Variants in PRDM2 observed in about 807,000 individuals in gnomAD.
The protein encoded by PRDM2 is PR/SET domain 2.
Under a neutral mutation model 130.0 loss-of-function variants are expected in PRDM2, and 30 were observed. That is an observed-to-expected ratio of 0.23 (90% CI 0.17 to 0.31). The LOEUF is 0.31. Among genes scored for constraint, PRDM2 ranks in the 10% least tolerant of loss-of-function variants. The pLI, the probability that PRDM2 is intolerant of heterozygous loss-of-function variation, is 1.00. For synonymous variants in PRDM2, 871 were observed against 782.4 expected, an observed-to-expected ratio of 1.11 and a Z score of -1.89; for missense variants, 2,011 against 2,108.4, an observed-to-expected ratio of 0.95 and a Z score of 0.90.
chr1:13,808,417 T>C (rs1260013991), intron 8 of PRDM2, among the ~76,000 whole-genome samples: 1 of 139,700 alleles, frequency 7.2e-6, no homozygotes, highest in African/African-American at 2.8e-5. Flanking sequence ...TGAGTGGAGA[T>C]CGCACCACTG....
intron 7 of PRDM2, among the ~76,000 whole-genome samples, chr1:13,775,830 T>A (rs1231112537): frequency 6.6e-6 from 1 of 152,140 alleles, no homozygotes; most frequent in Non-Finnish European, 1.5e-5. Flanking sequence ...GCTCTGCCAG[T>A]CTTGCTCCTC....
At chr1:13,719,842 C>A (rs1642666548) in intron 2 of PRDM2, among the ~76,000 whole-genome samples, 1 of 151,866 alleles carries the variant, frequency 6.6e-6, no homozygotes, top group South Asian at 2.1e-4. Context: ...GTTTGCAAAT[C>A]TATACAAAGA....
intron 5 of PRDM2, among the ~76,000 whole-genome samples, chr1:13,743,289 A>G (rs1643504797): frequency 6.6e-6 from 1 of 150,896 alleles, no homozygotes; most frequent in Admixed American, 6.6e-5. Flanking sequence ...AGTCCCAGCT[A>G]CTCGGGAGGC....
At chr1:13,786,807 A>G in intron 8 of PRDM2, 1 of 1,266,368 alleles carries the variant, frequency 7.9e-7, no homozygotes, top group African/African-American at 1.5e-5. Flanking sequence ...TCGTCATGGG[A>G]CTGGTACCTC....
intron 1 of PRDM2, among the ~76,000 whole-genome samples, chr1:13,713,027 T>C (rs550958167): frequency 6.6e-6 from 1 of 150,506 alleles, no homozygotes; most frequent in African/African-American, 2.4e-5. Flanking sequence ...TCCACCTCCA[T>C]ATAACATTTC....
intron 7 of PRDM2, among the ~76,000 whole-genome samples, chr1:13,777,668 C>T (rs1644508144): frequency 1.0e-5 from 1 of 97,400 alleles, no homozygotes; most frequent in Non-Finnish European, 1.9e-5. Context: ...GCCTCATTTT[C>T]CTTAGGTCTC....
rs1240572996 is a variant in PRDM2 at position 13,824,883 on chromosome 1, T to G, written c.*1748T>G. ...TGGTTGAGGCCTTGGGGTCACTCCTTTTTTGCATGTGCAAATGTGCTGGTC... is the reference window on the plus strand; with the variant it reads ...TGGTTGAGGCCTTGGGGTCACTCCTGTTTTGCATGTGCAAATGTGCTGGTC... On this transcript the variant is annotated 3_prime_UTR_variant, in exon 10 of 10. Coordinates refer to ENST00000311066, the MANE Select transcript of PRDM2 (RefSeq NM_001393986.1). The G allele has an allele frequency of 6.6e-6, 1 of 152,630 alleles. No homozygotes were observed. The highest frequency in any genetic ancestry group is 1.5e-5 in the Non-Finnish European group (1 of 68,038). The allele number at this position is 152,630 out of a possible 1,614,324, so 9.5% of individuals were successfully genotyped here.
rs1190174574 is a variant in PRDM2, at chr1:13,782,238, A to T, written c.4443A>T (p.Lys1481Asn). Reference protein sequence around the residue: ...NKHAAFSCPKKPLSPPKKKVS... With the variant: ...NKHAAFSCPKNPLSPPKKKVS... ...ACGCCGCCTTCAGCTGTCCCAAAAA[A>T]CCCCTTTCTCCTCCCAAAAAAAAAG... Residue 1481 changes from lysine (K) to asparagine (N), a missense_variant, in exon 8 of 10, where the codon AAA becomes AAT. Physicochemically the swap from Lys to Asn is moderately conservative, Grantham distance 94. Around this residue, in one of 5 missense-constraint regions of PRDM2, gnomAD observed 410 missense variants for 395.9 expected, o/e 1.04. Coordinates refer to ENST00000311066, the MANE Select transcript of PRDM2 (RefSeq NM_001393986.1). The T allele has an allele frequency of 6.2e-7, 1 of 1,612,672 alleles. No individual in the cohort carries two copies.
Position 13,813,253 on chromosome 1 carries a change from G to A in PRDM2, c.5037-3174G>A, listed in dbSNP as rs563121401. On this transcript the variant is annotated intron_variant, in intron 8 of 9. Coordinates refer to ENST00000311066, the MANE Select transcript of PRDM2 (RefSeq NM_001393986.1). Reference sequence around the variant, plus strand: ...CTCACTGAGGTCACACAGCTAGTGGGTGGGAACCAAGAATCATGAGGCTCT... The same window carrying A: ...CTCACTGAGGTCACACAGCTAGTGGATGGGAACCAAGAATCATGAGGCTCT... Among the ~76,000 whole-genome samples the A allele has an allele frequency of 6.6e-5, 10 of 152,320 alleles. No individual in the cohort carries two copies. In the East Asian group the frequency reaches 1.9e-3, roughly 29 times the overall value.
chr1:13,768,033 A>G (rs888281402), intron 6 of PRDM2, among the ~76,000 whole-genome samples: 3 of 151,976 alleles, frequency 2.0e-5, no homozygotes, highest in African/African-American at 7.3e-5. Context: ...ATTAAGAAGT[A>G]ACTATTAAGA....
At chr1:13,735,878 C>A (rs1643253013) in intron 4 of PRDM2, among the ~76,000 whole-genome samples, 1 of 152,138 alleles carries the variant, frequency 6.6e-6, no homozygotes, top group South Asian at 2.1e-4. Flanking sequence ...ATTGAAACTC[C>A]TATCATCCAG....
intron 8 of PRDM2, among the ~76,000 whole-genome samples, chr1:13,805,872 G>T (rs1050106873): frequency 1.3e-5 from 2 of 152,072 alleles, no homozygotes; most frequent in Non-Finnish European, 2.9e-5. Flanking sequence ...GAAGAGCACC[G>T]TGGCCACGTG....
At chr1:13,709,746 TCTTA>T (rs935996421) in intron 1 of PRDM2, among the ~76,000 whole-genome samples, 2 of 152,228 alleles carry the variant, frequency 1.3e-5, no homozygotes, top group African/African-American at 2.4e-5. Flanking sequence ...AAACGTATTC[TCTTA>T]CTTATTTCTG....
intron 9 of PRDM2, among the ~76,000 whole-genome samples, chr1:13,817,010 C>A (rs1570131018): frequency 6.6e-6 from 1 of 152,190 alleles, no homozygotes; most frequent in Non-Finnish European, 1.5e-5. Flanking sequence ...GCCTCAGAGG[C>A]ATTAAGCCCA....
chr1:13,744,105 G>A (rs1343990841), intron 5 of PRDM2, among the ~76,000 whole-genome samples: 1 of 152,188 alleles, frequency 6.6e-6, no homozygotes, highest in Admixed American at 6.5e-5. Flanking sequence ...GCAAGCTCAT[G>A]TAGATATTAG....
In PRDM2 at chr1:13,730,877, T is replaced by A. The variant is rs549115187; in HGVS notation, c.10-123T>A. The A allele has an allele frequency of 7.4e-6, 5 of 678,552 alleles. No individual in the cohort carries two copies. In the East Asian group the frequency reaches 1.3e-4, roughly 18 times the overall value. The allele number at this position is 678,552 out of a possible 1,614,324, so 42.0% of individuals were successfully genotyped here. On this transcript the variant is annotated intron_variant, in intron 2 of 9. Coordinates refer to ENST00000311066, the MANE Select transcript of PRDM2 (RefSeq NM_001393986.1). ...TGCTTGACATCATCGTTTTGGTCTG[T>A]CTTGCCAGCTTCAGGTTTCGGTTAC...
chr1:13,720,527 G>C (rs1642690123), intron 2 of PRDM2, among the ~76,000 whole-genome samples: 1 of 152,020 alleles, frequency 6.6e-6, no homozygotes, highest in Admixed American at 6.6e-5. Context: ...TTGAGGAGAG[G>C]GCTGTTAGAG....
intron 8 of PRDM2, among the ~76,000 whole-genome samples, chr1:13,809,340 C>T (rs1247632863): frequency 6.6e-6 from 1 of 152,148 alleles, no homozygotes; most frequent in Non-Finnish European, 1.5e-5. Flanking sequence ...TGCAGGACTC[C>T]AGGCGAGAGG....
rs202177985 is a variant in PRDM2, at chr1:13,783,872, ATTC to A, written c.5036+1044_5036+1046del. 6.9e-3 allele frequency among the ~76,000 whole-genome samples: 1,054 copies of A among 152,106 alleles called. 8 individuals are homozygous for A. Among genetic ancestry groups the A allele is most frequent in the South Asian group, 0.024 (118 of 4,818 alleles). ...ATGCTATAGCTTTTGGTGTCTGAAA[ATTC>A]TTTGGTGTTTTAAGCAAGCAGAATT... is the stretch of plus-strand genomic sequence containing the variant. On this transcript the variant is annotated intron_variant, in intron 8 of 9. Transcript: ENST00000311066.
Sources: gnomAD v4.1 joint callset for allele counts (sites outside exome capture counted in the v4.1 genomes callset) on GRCh38, gnomAD v4.1.1 for gene constraint, gnomAD v4.1.1 regional missense constraint, MANE v1.5 for transcripts, NCBI Gene and HGNC (gene_info 2026-07-23, HGNC 2026-07-21) for gene names.